Variants in PGBD5 observed in about 807,000 individuals in gnomAD.
PGBD5 encodes piggyBac transposable element derived 5, also known as piggyBac transposable element-derived protein 5.
Under a neutral mutation model 47.9 loss-of-function variants are expected in PGBD5, and 14 were observed. The ratio of observed to expected loss-of-function variants is 0.29; its 90% confidence interval spans 0.19 to 0.46. The LOEUF (loss-of-function observed/expected upper bound fraction) is 0.46, where lower values mean the gene tolerates loss of function less well. PGBD5 is among the 20% of genes least tolerant of loss of function. The pLI is 1.00. For synonymous variants in PGBD5, 316 were observed against 306.3 expected (o/e 1.03, Z -0.33); for missense variants, 635 against 716.0 (o/e 0.89, Z 1.29).
intron 3 of PGBD5, among the ~76,000 whole-genome samples, chr1:230,350,199 G>A (rs370883301): frequency 3.3e-5 from 5 of 152,228 alleles, no homozygotes; most frequent in African/African-American, 9.6e-5. Flanking sequence ...AGAAGGTGTC[G>A]CTGCGCAGCA....
At chr1:230,404,627 A>T (rs12743020) in intron 1 of PGBD5, among the ~76,000 whole-genome samples, 2,959 of 129,920 alleles carry the variant, frequency 0.023, 96 homozygotes, top group Admixed American at 0.07. Context: ...AAAAAAAAAA[A>T]AAATATATAT....
At position 230,317,187 on chromosome 1, in the gene PGBD5, C is replaced by A. The variant is rs1284405516; in HGVS notation, c.*6238G>T. On this transcript the variant is annotated 3_prime_UTR_variant, in exon 7 of 7. Transcript: ENST00000391860. Reference sequence around the variant, plus strand: ...CCCCAACGTGTTTCAGTCATGGCACCCTCAAGGGCACAGACCACGTTGGGG... The same window carrying A: ...CCCCAACGTGTTTCAGTCATGGCACACTCAAGGGCACAGACCACGTTGGGG... The A allele has an allele frequency of 6.6e-6, 1 of 152,346 alleles. No homozygotes were observed. The highest frequency in any genetic ancestry group is 1.9e-4 in the East Asian group (1 of 5,172). 9.4% of individuals were successfully genotyped at this position (152,346 alleles called of 1,614,324 possible).
Position 230,317,504 on chromosome 1 carries a change from G to C in PGBD5, c.*5921C>G, listed in dbSNP as rs1325811398. On this transcript the variant is annotated 3_prime_UTR_variant, in exon 7 of 7. Coordinates refer to ENST00000391860, the MANE Select transcript of PGBD5 (RefSeq NM_001258311.2). ...AACTGTCACTCTTTAGTCCAGCGAG[G>C]CTTGGGTGAAGACGGCAGAAGAATG... 6.6e-6 allele frequency: 1 copy of C among 152,266 alleles called. No homozygotes were observed. Among genetic ancestry groups the C allele is most frequent in the Non-Finnish European group, 1.5e-5 (1 of 68,064 alleles). 9.4% of individuals were successfully genotyped at this position (152,266 alleles called of 1,614,324 possible). A position where few individuals can be genotyped will look rare whatever the true frequency, so the allele number is the denominator to read the frequency against.
chr1:230,358,469 T>A (rs1667692714), intron 1 of PGBD5, among the ~76,000 whole-genome samples: 1 of 152,120 alleles, frequency 6.6e-6, no homozygotes, highest in African/African-American at 2.4e-5. Flanking sequence ...CCCTATGTAG[T>A]CACTTTATGG....
In PGBD5 at chr1:230,404,886, T is replaced by C. The variant is rs567419115; in HGVS notation, c.331+20712A>G. On this transcript the variant is annotated intron_variant, in intron 1 of 6. Transcript: ENST00000391860. ...GTTGCAGTGAGCCAAGATTGTGCCATTGCACTCTAGCCTGGGCAACAAGAG... is the reference window on the plus strand; with the variant it reads ...GTTGCAGTGAGCCAAGATTGTGCCACTGCACTCTAGCCTGGGCAACAAGAG... Among the ~76,000 whole-genome samples the C allele has an allele frequency of 1.5e-3, 210 of 143,588 alleles. 1 individual carries two copies. Among genetic ancestry groups the C allele is most frequent in the African/African-American group, 4.9e-3 (187 of 38,210 alleles). 94.2% of individuals were successfully genotyped at this position (143,588 alleles called of 152,430 possible).
intron 3 of PGBD5, among the ~76,000 whole-genome samples, chr1:230,339,133 G>A (rs1448060250): frequency 6.6e-6 from 1 of 152,322 alleles, no homozygotes; most frequent in African/African-American, 2.4e-5. Context: ...GCACTTCTAT[G>A]CATCTGAAGA....
intron 1 of PGBD5, among the ~76,000 whole-genome samples, chr1:230,385,067 G>T (rs1483289882): frequency 6.6e-6 from 1 of 152,190 alleles, no homozygotes; most frequent in Admixed American, 6.5e-5. Flanking sequence ...CATGCCACAT[G>T]AAGAGGCGTG....
chr1:230,373,791 T>C (rs908490209), intron 1 of PGBD5, among the ~76,000 whole-genome samples: 2 of 152,200 alleles, frequency 1.3e-5, no homozygotes, highest in African/African-American at 4.8e-5. Context: ...ACTCCGGGGC[T>C]CTAGCAATTC....
intron 1 of PGBD5, among the ~76,000 whole-genome samples, chr1:230,380,647 T>C (rs966361941): frequency 3.3e-5 from 5 of 152,246 alleles, no homozygotes. Context: ...GTTATGGCTT[T>C]AGGGTTTCCA....
intron 1 of PGBD5, among the ~76,000 whole-genome samples, chr1:230,393,133 TA>T (rs1488631092): frequency 2.0e-5 from 2 of 99,214 alleles, no homozygotes; most frequent in Non-Finnish European, 3.8e-5. Context: ...AAAAGAAGGG[TA>T]GGGGAGGAAG....
intron 1 of PGBD5, among the ~76,000 whole-genome samples, chr1:230,369,696 G>A (rs151220765): frequency 6.6e-6 from 1 of 152,252 alleles, no homozygotes; most frequent in African/African-American, 2.4e-5. Context: ...AAGGGTCCAT[G>A]GGCAGGATCC....
At chr1:230,374,908 A>T (rs1667987430) in intron 1 of PGBD5, among the ~76,000 whole-genome samples, 1 of 152,240 alleles carries the variant, frequency 6.6e-6, no homozygotes, top group African/African-American at 2.4e-5. Flanking sequence ...AGGAGGCCAC[A>T]GGAGCCCATG....
chr1:230,363,016 G>A (rs74143201), intron 1 of PGBD5, among the ~76,000 whole-genome samples: 19,633 of 152,106 alleles, frequency 0.13, 2,492 homozygotes, highest in African/African-American at 0.33. Context: ...AGTGGGGGTG[G>A]GCCTACTGAG....
intron 3 of PGBD5, among the ~76,000 whole-genome samples, chr1:230,344,377 C>CA (rs1667448372): frequency 6.6e-6 from 1 of 152,154 alleles, no homozygotes; most frequent in Non-Finnish European, 1.5e-5. Flanking sequence ...GGCAAGGCAG[C>CA]AAATCTCTCT....
chr1:230,329,099 GCCATGC>G (rs1667168857), intron 5 of PGBD5, among the ~76,000 whole-genome samples: 1 of 138,086 alleles, frequency 7.2e-6, no homozygotes, highest in South Asian at 2.5e-4. Context: ...CTACAGCTAC[GCCATGC>G]CCAGCTAATT....
chr1:230,318,886 TC>T lies in PGBD5; in HGVS notation c.*4538del, dbSNP rs1277784515. The T allele has an allele frequency of 6.6e-6, 1 of 152,240 alleles. No homozygotes were observed. Among genetic ancestry groups the T allele is most frequent in the Non-Finnish European group, 1.5e-5 (1 of 68,082 alleles). The allele number at this position is 152,240 out of a possible 1,614,324, so 9.4% of individuals were successfully genotyped here. Reference sequence around the variant, plus strand: ...GCTCCCTACCAGGCTAACTTCAGCTTCAGTAGTTGTTAAGCTCCAAAACACC... The same window carrying T: ...GCTCCCTACCAGGCTAACTTCAGCTTAGTAGTTGTTAAGCTCCAAAACACC... On this transcript the variant is annotated 3_prime_UTR_variant, in exon 7 of 7. Coordinates refer to ENST00000391860, the MANE Select transcript of PGBD5 (RefSeq NM_001258311.2).
At chr1:230,405,836 T>C (rs951300185) in intron 1 of PGBD5, among the ~76,000 whole-genome samples, 8 of 152,234 alleles carry the variant, frequency 5.3e-5, no homozygotes, top group Non-Finnish European at 1.2e-4. Context: ...CTTGATTTGA[T>C]GGGTGATTGT....
chr1:230,362,205 T>G, intron 1 of PGBD5: 1 of 1,323,368 alleles, frequency 7.6e-7, no homozygotes, highest in East Asian at 4.7e-5. Flanking sequence ...TGGGGGAGGA[T>G]CTGATGGCTG....
At position 230,341,129 on chromosome 1, in the gene PGBD5, T is replaced by C. The variant is rs181358702; in HGVS notation, c.895-3841A>G. On this transcript the variant is annotated intron_variant, in intron 3 of 6. Transcript: ENST00000391860. ...CCCAAATGTGTGGCACTCATTGCTA[T>C]AAAATAATGAGTTTCTAAAAGTGAA... Among the ~76,000 whole-genome samples the C allele has an allele frequency of 2.0e-4, 30 of 152,298 alleles. No homozygotes were observed. The East Asian group carries it at 5.4e-3, about 27-fold the overall frequency.
Sources: gnomAD v4.1 joint callset for allele counts (sites outside exome capture counted in the v4.1 genomes callset) on GRCh38, gnomAD v4.1.1 for gene constraint, MANE v1.5 for transcripts, NCBI Gene and HGNC (gene_info 2026-07-23, HGNC 2026-07-21) for gene names.